The following CREBRF variants were observed in gnomAD, a reference collection of about 807,000 sequenced individuals.
The protein encoded by CREBRF is CREB3 regulatory factor.
In CREBRF, 5 loss-of-function variants were observed where a neutral mutation model predicts 66.1. The observed-to-expected ratio is 0.08, with a 90% CI of 0.04 to 0.16. CREBRF has a LOEUF of 0.16. Ranked by LOEUF, CREBRF falls within the 10% of genes least tolerant of loss-of-function variation. The pLI, the probability that CREBRF is intolerant of heterozygous loss-of-function variation, is 1.00. For synonymous variants in CREBRF, 229 were observed against 264.4 expected, an observed-to-expected ratio of 0.87 and a Z score of 1.30; for missense variants, 531 against 744.9, an observed-to-expected ratio of 0.71 and a Z score of 3.34.
At chr5:173,082,191 T>G (rs1212252354) in intron 2 of CREBRF, among the ~76,000 whole-genome samples, 1 of 151,702 alleles carries the variant, frequency 6.6e-6, no homozygotes, top group Non-Finnish European at 1.5e-5. Flanking sequence ...TTTTTTGTAT[T>G]TTTAGTGGAG....
chr5:173,064,184 G>C (rs1757366229), intron 1 of CREBRF, among the ~76,000 whole-genome samples: 1 of 151,994 alleles, frequency 6.6e-6, no homozygotes, highest in Admixed American at 6.6e-5. Context: ...TTTTTTGGCT[G>C]CTGATGGAAT....
chr5:173,090,306 CT>C lies in CREBRF; in HGVS notation c.136-6del. The C allele has an allele frequency of 7.1e-6, 11 of 1,560,160 alleles. No individual in the cohort carries two copies. The highest frequency in any genetic ancestry group is 9.6e-6 in the Non-Finnish European group (11 of 1,147,352). On this transcript the variant is annotated splice_polypyrimidine_tract_variant and splice_region_variant and intron_variant, in intron 3 of 8. Coordinates refer to ENST00000296953, the MANE Select transcript of CREBRF (RefSeq NM_153607.3). The surrounding 1 kb of genome is among the most constrained non-coding windows in gnomAD (Gnocchi z 4.5). ...TGATGTGCAATTTCTTTTTTAAAAC[CT>C]TTCTCAGGATAGAGAGATGAACTAC... is the stretch of plus-strand genomic sequence containing the variant.
chr5:173,116,671 C>A (rs949275142), intron 7 of CREBRF, among the ~76,000 whole-genome samples: 1 of 151,380 alleles, frequency 6.6e-6, no homozygotes, highest in Non-Finnish European at 1.5e-5. Context: ...TTGGCTATAA[C>A]CACGGGGCTA....
At chr5:173,060,236 T>TG (rs1223404348) in intron 1 of CREBRF, 1 of 148,772 alleles carries the variant, frequency 6.7e-6, no homozygotes, top group Non-Finnish European at 1.5e-5. Flanking sequence ...TATATATGTT[T>TG]TTTTTTTTTT....
intron 8 of CREBRF, among the ~76,000 whole-genome samples, chr5:173,130,531 T>G (rs950228838): frequency 4.1e-5 from 6 of 145,942 alleles, no homozygotes; most frequent in African/African-American, 1.5e-4. Flanking sequence ...ATTCATTGCT[T>G]TTTTTTTTTT....
intron 1 of CREBRF, chr5:173,068,030 T>G: frequency 2.9e-6 from 1 of 345,918 alleles, no homozygotes; most frequent in African/African-American, 2.2e-5. Context: ...TAATTTTGTC[T>G]TCTGTTTTAA....
At chr5:173,121,279 A>T (rs952600982) in intron 7 of CREBRF, among the ~76,000 whole-genome samples, 5 of 149,442 alleles carry the variant, frequency 3.3e-5, no homozygotes, top group Admixed American at 3.3e-4. Context: ...TGTTACATAC[A>T]TTTCTGCTCT....
intron 4 of CREBRF, among the ~76,000 whole-genome samples, chr5:173,093,003 T>A (rs1476933241): frequency 2.0e-5 from 3 of 152,168 alleles, no homozygotes; most frequent in Non-Finnish European, 4.4e-5. Context: ...GAGACTTGAC[T>A]TTGTAGGTAG....
intron 4 of CREBRF, chr5:173,092,094 A>C (rs948665511): frequency 1.3e-6 from 1 of 786,760 alleles, no homozygotes; most frequent in Admixed American, 6.3e-5. Flanking sequence ...TAACAACAAA[A>C]AATAATAAAT....
rs919351894 is a variant in CREBRF at position 173,136,860 on chromosome 5, C to G, written c.*3115C>G. 14 of 151,902 alleles carry G rather than the reference C, an allele frequency of 9.2e-5. No homozygotes were observed. Among genetic ancestry groups the G allele is most frequent in the South Asian group, 8.3e-4 (4 of 4,826 alleles). 9.4% of individuals were successfully genotyped at this position (151,902 alleles called of 1,614,324 possible). On this transcript the variant is annotated 3_prime_UTR_variant, in exon 9 of 9. Transcript: ENST00000296953. ...TATACAGATAGCTCATAATGAAGTC[C>G]AGAATCTTACTTTTAAGTGAAGGCA...
intron 2 of CREBRF, among the ~76,000 whole-genome samples, chr5:173,083,021 G>A (rs1758014015): frequency 6.8e-6 from 1 of 148,040 alleles, no homozygotes; most frequent in Non-Finnish European, 1.5e-5. Flanking sequence ...GAGGTCAGGA[G>A]TTAGACCAGC....
rs984035904 is a variant in CREBRF, at chr5:173,056,376, G to A, written c.-295G>A. ...CGAGTCACGCGATTTCCGGGAACCC[G>A]TCAGGAAGGACATAAACAAAACAAA... is the stretch of plus-strand genomic sequence containing the variant. On this transcript the variant is annotated 5_prime_UTR_variant, in exon 1 of 9. Coordinates refer to ENST00000296953, the MANE Select transcript of CREBRF (RefSeq NM_153607.3). 1.0e-5 allele frequency: 4 copies of A among 398,064 alleles called. No homozygotes were observed. The highest frequency in any genetic ancestry group is 1.3e-5 in the Non-Finnish European group (3 of 225,750). The allele number at this position is 398,064 out of a possible 1,614,324, so 24.7% of individuals were successfully genotyped here.
intron 1 of CREBRF, among the ~76,000 whole-genome samples, chr5:173,072,150 C>T (rs893315031): frequency 7.2e-5 from 11 of 151,992 alleles, no homozygotes; most frequent in South Asian, 2.1e-4. Flanking sequence ...CACTGTTGCC[C>T]AGGCTGAAGT....
Position 173,090,269 on chromosome 5 carries a change from C to T in CREBRF, c.136-46C>T. The T allele has an allele frequency of 6.7e-7, 1 of 1,484,388 alleles. No homozygotes were observed. The highest frequency in any genetic ancestry group is 9.1e-7 in the Non-Finnish European group (1 of 1,093,394). The allele number at this position is 1,484,388 out of a possible 1,614,324, so 92.0% of individuals were successfully genotyped here. On this transcript the variant is annotated intron_variant, in intron 3 of 8. Transcript: ENST00000296953. This position sits in a 1 kb window ranked among gnomAD's most constrained non-coding sequence, Gnocchi z 4.5. ...GTTTGACATATGGAGGTGAATATTTCCTTCTGAAATATGATGTGCAATTTC... is the reference window on the plus strand; with the variant it reads ...GTTTGACATATGGAGGTGAATATTTTCTTCTGAAATATGATGTGCAATTTC...
intron 3 of CREBRF, among the ~76,000 whole-genome samples, chr5:173,088,173 A>G (rs1758218525): frequency 6.8e-6 from 1 of 147,574 alleles, no homozygotes; most frequent in South Asian, 2.3e-4. Context: ...CTCTGGAGAG[A>G]TGGTCATAGC....
chr5:173,092,454 C>T, intron 4 of CREBRF: 3 of 978,514 alleles, frequency 3.1e-6, no homozygotes, highest in Non-Finnish European at 3.6e-6. Context: ...TTGGCTTGTG[C>T]AGTTTATTTA....
At chr5:173,097,904 C>T (rs1758516762) in intron 4 of CREBRF, among the ~76,000 whole-genome samples, 1 of 151,432 alleles carries the variant, frequency 6.6e-6, no homozygotes, top group South Asian at 2.1e-4. Context: ...TTATTTTCTT[C>T]CTTCTGCTAA....
chr5:173,102,521 T>G (rs1206289126), intron 4 of CREBRF, among the ~76,000 whole-genome samples: 1 of 152,142 alleles, frequency 6.6e-6, no homozygotes, highest in Non-Finnish European at 1.5e-5. Flanking sequence ...GTAGAGGTCA[T>G]CCTGGTGCCT....
chr5:173,112,372 A>C lies in CREBRF; in HGVS notation c.1674A>C (p.Thr558=). ...AAGTGAAATTATGGGGCCTCAACAC[A>C]GAATATGGTAAACCTAAAGTTTTAA... The part of the protein sequence containing the change: ...ANKVKLWGLN[T]EYDNLLFVIN... Residue 558 remains threonine, a synonymous_variant, in exon 7 of 9, where the codon ACA becomes ACC. Coordinates refer to ENST00000296953, the MANE Select transcript of CREBRF (RefSeq NM_153607.3). 2 of 1,585,532 alleles carry C rather than the reference A, an allele frequency of 1.3e-6. No individual in the cohort carries two copies. The highest frequency in any genetic ancestry group is 2.3e-5 in the East Asian group (1 of 43,666).
Sources: allele counts gnomAD v4.1 joint callset (sites outside exome capture counted in the v4.1 genomes callset), GRCh38; gene constraint gnomAD v4.1.1; non-coding constraint Gnocchi (gnomAD v3.1); transcripts MANE v1.5; gene names NCBI Gene and HGNC (gene_info 2026-07-23, HGNC 2026-07-21).